TMEM255A: variants seen among roughly 807,000 people sequenced by gnomAD.
TMEM255A encodes the protein transmembrane protein 255A, also known as family with sequence similarity 70, member A.
Under a neutral mutation model 23.5 loss-of-function variants are expected in TMEM255A, and 14 were observed. That is an observed-to-expected ratio of 0.60 (90% confidence interval 0.39 to 0.93). The LOEUF (loss-of-function observed/expected upper bound fraction) is 0.93, where lower values mean the gene tolerates loss of function less well. Ranked by LOEUF, TMEM255A falls within the 40% of genes least tolerant of loss-of-function variation. TMEM255A has a pLI of 0.00. For synonymous variants in TMEM255A, 104 were observed against 100.3 expected (o/e 1.04, Z -0.22); for missense variants, 233 against 261.7 (o/e 0.89, Z 0.76).
chrX:120,252,734 GAGGGGAAGGGACA>G, the TMEM255A span: 1 of 111,892 alleles, frequency 8.9e-6, no homozygotes, highest in Non-Finnish European at 1.9e-5. Context: ...ATGGAGAGAT[GAGGGGAAGGGACA>G]AGGGGATGAA....
intron 5 of TMEM255A, chrX:120,285,573 G>A: frequency 5.0e-6 from 6 of 1,202,908 alleles, no homozygotes; most frequent in Non-Finnish European, 6.8e-6. Flanking sequence ...AGAAGATAAG[G>A]TGGGAAGGAA....
At chrX:120,255,387 A>G (rs2057631916), downstream of TMEM255A, 1 of 1,210,687 alleles carries the variant, frequency 8.3e-7, no homozygotes, top group Admixed American at 2.2e-5. Flanking sequence ...ACAAAATGTA[A>G]CAGATGGCAG....
intron 7 of TMEM255A, among the ~76,000 whole-genome samples, chrX:120,276,624 A>G (rs2057800365): frequency 9.0e-6 from 1 of 111,562 alleles, no homozygotes; most frequent in African/African-American, 3.3e-5. Context: ...GGAACTGAGA[A>G]CACCCCTTCC....
downstream of TMEM255A, chrX:120,255,454 A>G: frequency 8.7e-7 from 1 of 1,150,358 alleles, no homozygotes; most frequent in Non-Finnish European, 1.2e-6. Context: ...AAATACTAGA[A>G]AGTTTTGTTT....
At chrX:120,297,237 C>T (rs1159884136) in intron 2 of TMEM255A, among the ~76,000 whole-genome samples, 1 of 80,768 alleles carries the variant, frequency 1.2e-5, no homozygotes, top group East Asian at 3.7e-4. Context: ...ATTCCTTAAC[C>T]ACTCTGTGCT....
chrX:120,275,045 T>G (rs782624638), intron 7 of TMEM255A, among the ~76,000 whole-genome samples: 16 of 112,616 alleles, frequency 1.4e-4, no homozygotes, highest in African/African-American at 2.9e-4. Context: ...ACCTGTACTT[T>G]CATCTGCCCC....
rs1166448166 is a variant in TMEM255A, at chrX:120,260,964, G to A, written c.884C>T (p.Pro295Leu). Reference protein sequence around the residue: ...GLSDEPQSASPSPSYMWSSSA... With the variant: ...GLSDEPQSASLSPSYMWSSSA... Reference sequence around the variant, plus strand: ...TGAGGACCACATGTAGCTGGGTGAGGGAGAGGCAGACTGGGGCTCATCAGA... The same window carrying A: ...TGAGGACCACATGTAGCTGGGTGAGAGAGAGGCAGACTGGGGCTCATCAGA... Residue 295 changes from proline (P) to leucine (L), a missense_variant, in exon 9 of 9, where the codon CCC becomes CTC. By Grantham distance (98) the Pro-to-Leu change is moderately conservative (BLOSUM62 -3). Coordinates refer to ENST00000371369, the MANE Select transcript of TMEM255A (RefSeq NM_001104544.3). 2 of 1,197,476 alleles carry A rather than the reference G, an allele frequency of 1.7e-6. No individual in the cohort carries two copies. The highest frequency in any genetic ancestry group is 2.3e-5 in the Admixed American group (1 of 42,737).
intron 8 of TMEM255A, among the ~76,000 whole-genome samples, chrX:120,266,484 T>C (rs1380921405): frequency 9.0e-6 from 1 of 111,583 alleles, no homozygotes; most frequent in African/African-American, 3.3e-5. Flanking sequence ...ATTCTCAATC[T>C]TGCTTTCATT....
At chrX:120,285,825 T>C in intron 5 of TMEM255A, 1 of 1,202,882 alleles carries the variant, frequency 8.3e-7, no homozygotes, top group Non-Finnish European at 1.1e-6. Flanking sequence ...AGAACAGCAA[T>C]GACATTTTAC....
At chrX:120,299,138 G>A (rs2058017859) in intron 2 of TMEM255A, among the ~76,000 whole-genome samples, 1 of 111,230 alleles carries the variant, frequency 9.0e-6, no homozygotes, top group African/African-American at 3.3e-5. Context: ...AGCAAATCAA[G>A]ATTCAAATGT....
At chrX:120,270,995 C>T (rs1365293501) in intron 7 of TMEM255A, among the ~76,000 whole-genome samples, 2 of 110,865 alleles carry the variant, frequency 1.8e-5, no homozygotes, top group East Asian at 5.7e-4. Flanking sequence ...TCTGTGCCCC[C>T]ACTGGTTCTC....
intron 1 of TMEM255A, among the ~76,000 whole-genome samples, chrX:120,309,707 T>G (rs1271930426): frequency 9.0e-6 from 1 of 111,586 alleles, no homozygotes; most frequent in Non-Finnish European, 1.9e-5. Flanking sequence ...GCTGTCGCTC[T>G]CTCTCGCTCT....
downstream of TMEM255A, chrX:120,255,142 A>G (rs2057629447): frequency 8.3e-7 from 1 of 1,210,251 alleles, no homozygotes; most frequent in Non-Finnish European, 1.1e-6. Flanking sequence ...CATAGTCAAG[A>G]TCCTTCTGGG....
At chrX:120,274,424 AT>A (rs1401489861) in intron 7 of TMEM255A, among the ~76,000 whole-genome samples, 2 of 111,554 alleles carry the variant, frequency 1.8e-5, no homozygotes, top group South Asian at 3.8e-4. Context: ...TTCCACCTCA[AT>A]TTTTTTTAAA....
intron 3 of TMEM255A, among the ~76,000 whole-genome samples, chrX:120,293,741 C>T (rs115126847): frequency 0.012 from 1,363 of 111,986 alleles, 25 homozygotes; most frequent in African/African-American, 0.042. Flanking sequence ...GGGCAAGATC[C>T]AGAATATTCT....
the TMEM255A span, chrX:120,253,274 T>G: frequency 1.6e-6 from 1 of 636,735 alleles, no homozygotes; most frequent in East Asian, 3.6e-5. Flanking sequence ...GAACAATTTC[T>G]GTAAAAGCCA....
downstream of TMEM255A, chrX:120,256,315 A>G (rs1556015432): frequency 8.1e-6 from 1 of 123,160 alleles, no homozygotes; most frequent in African/African-American, 3.2e-5. Context: ...TCTGAAAGCC[A>G]CCAAATGTAT....
At chrX:120,255,768 A>G (rs1485262195), downstream of TMEM255A, 1 of 183,286 alleles carries the variant, frequency 5.5e-6, no homozygotes, top group Non-Finnish European at 1.1e-5. Flanking sequence ...AGCATACCCT[A>G]GTACATCTTA....
chrX:120,311,377 C>A lies in TMEM255A; in HGVS notation c.-68G>T. On this transcript the variant is annotated 5_prime_UTR_variant, in exon 1 of 9. Transcript: ENST00000371369. ...AGCGCCCCCGGCTCTGGGCGCCCCG[C>A]AGAGCATCCTACTCCGCGGTTGCCT... The A allele has an allele frequency of 1.1e-6, 1 of 944,313 alleles. No individual in the cohort carries two copies. The highest frequency in any genetic ancestry group is 1.5e-6 in the Non-Finnish European group (1 of 669,073). 77.8% of individuals were successfully genotyped at this position (944,313 alleles called of 1,213,427 possible).
Sources: gnomAD v4.1 joint callset for allele counts (sites outside exome capture counted in the v4.1 genomes callset) on GRCh38, gnomAD v4.1.1 for gene constraint, MANE v1.5 for transcripts, NCBI Gene and HGNC (gene_info 2026-07-23, HGNC 2026-07-21) for gene names.